Variants in KCNMA1 observed in about 807,000 individuals in gnomAD.
The protein encoded by KCNMA1 is potassium calcium-activated channel subfamily M alpha 1, also known as Calcium-activated potassium channel subunit alpha-1.
A neutral mutation model predicts 140.0 loss-of-function variants in KCNMA1; 29 were observed. The observed-to-expected ratio is 0.21, with a 90% CI of 0.15 to 0.28. KCNMA1 has a LOEUF of 0.28. KCNMA1 is among the 10% of genes least tolerant of loss of function. The probability of loss-of-function intolerance (pLI) is 1.00; values close to 1 mark genes in which losing one functional copy is unlikely to be tolerated. For missense variants in KCNMA1, 880 were observed against 1,602.2 expected, an observed-to-expected ratio of 0.55 and a Z score of 7.70; for synonymous variants, 612 against 611.9, an observed-to-expected ratio of 1.00 and a Z score of 0.00.
At chr10:77,481,986 C>T (rs1466618819) in intron 1 of KCNMA1, among the ~76,000 whole-genome samples, 2 of 152,208 alleles carry the variant, frequency 1.3e-5, no homozygotes, top group Admixed American at 1.3e-4. Context: ...GACTCAGGGC[C>T]AGATCCCTGG....
At chr10:77,298,696 CT>C (rs1175311988) in intron 2 of KCNMA1, among the ~76,000 whole-genome samples, 1 of 152,212 alleles carries the variant, frequency 6.6e-6, no homozygotes, top group Non-Finnish European at 1.5e-5. Context: ...CAAAGGTCCC[CT>C]CATTTGATTT....
At chr10:76,948,334 T>A (rs1483304744) in intron 22 of KCNMA1, among the ~76,000 whole-genome samples, 1 of 152,166 alleles carries the variant, frequency 6.6e-6, no homozygotes, top group Non-Finnish European at 1.5e-5. Flanking sequence ...GGATGTGAAC[T>A]TACAAGAAAA....
intron 3 of KCNMA1, among the ~76,000 whole-genome samples, chr10:77,208,890 G>A (rs1422843934): frequency 1.3e-5 from 2 of 152,126 alleles, no homozygotes; most frequent in Non-Finnish European, 2.9e-5. Context: ...TCCTCATCCT[G>A]TCAACTGCTG....
Position 77,552,970 on chromosome 10 carries a change from AC to A in KCNMA1, c.378+84294del, listed in dbSNP as rs2063221413. On this transcript the variant is annotated intron_variant, in intron 1 of 27. Coordinates refer to ENST00000286628, the MANE Select transcript of KCNMA1 (RefSeq NM_001161352.2). Reference sequence around the variant, plus strand: ...AGGCTGGGGCATGAGAATCGCTTGAACCCAGGAGGTGGAGGTTGCAGTGAGC... The same window carrying A: ...AGGCTGGGGCATGAGAATCGCTTGAACCAGGAGGTGGAGGTTGCAGTGAGC... 2.0e-5 allele frequency among the ~76,000 whole-genome samples: 3 copies of A among 151,412 alleles called. No individual in the cohort carries two copies. The South Asian group carries it at 6.3e-4, about 32-fold the overall frequency.
intron 2 of KCNMA1, among the ~76,000 whole-genome samples, chr10:77,397,358 C>T (rs1053325323): frequency 4.6e-5 from 7 of 151,990 alleles, no homozygotes; most frequent in African/African-American, 7.3e-5. Context: ...TTTTTTAAAA[C>T]GTTGTATTGA....
intron 25 of KCNMA1, among the ~76,000 whole-genome samples, chr10:76,895,190 AC>A (rs1427847706): frequency 6.6e-6 from 1 of 152,016 alleles, no homozygotes; most frequent in African/African-American, 2.4e-5. Flanking sequence ...ACCCTCTCAC[AC>A]GCACCCCCTT....
Position 77,121,032 on chromosome 10 carries a change from T to C in KCNMA1, c.825A>G (p.Arg275=), listed in dbSNP as rs776877666. Residue 275 remains arginine, a synonymous_variant, in exon 6 of 28, where the codon AGA becomes AGG. Transcript: ENST00000286628. ...NRSWLGLRFL[R]ALRLIQFSEI... is the part of the protein sequence containing the mutation. ...CTGAAAACTGTATCAGTCTCAGAGC[T>C]CTTAAAAATCTCAAACCTGGAAAAA... 15 of 1,595,956 alleles carry C rather than the reference T, an allele frequency of 9.4e-6. No individual in the cohort carries two copies. The African/African-American group carries it at 1.6e-4, about 17-fold the overall frequency.
At chr10:77,296,724 G>T (rs1404433573) in intron 2 of KCNMA1, among the ~76,000 whole-genome samples, 1 of 152,088 alleles carries the variant, frequency 6.6e-6, no homozygotes, top group Non-Finnish European at 1.5e-5. Context: ...CCCACACTGG[G>T]GTGAGCTTGG....
intron 14 of KCNMA1, chr10:77,064,275 T>A (rs1371990745): frequency 1.0e-5 from 2 of 190,652 alleles, no homozygotes; most frequent in African/African-American, 4.8e-5. Flanking sequence ...ATGAGTTAAA[T>A]GTGTTCCCTG....
At chr10:77,396,065 G>A (rs754894993) in intron 2 of KCNMA1, among the ~76,000 whole-genome samples, 25 of 152,154 alleles carry the variant, frequency 1.6e-4, no homozygotes, top group Non-Finnish European at 3.2e-4. Context: ...TTAAGTCCTG[G>A]AAGGAAATTA....
At chr10:77,520,900 T>C (rs1232541833) in intron 1 of KCNMA1, among the ~76,000 whole-genome samples, 2 of 152,144 alleles carry the variant, frequency 1.3e-5, no homozygotes, top group Non-Finnish European at 2.9e-5. Context: ...CTTTGGTACC[T>C]CTTCTCCTAA....
intron 2 of KCNMA1, among the ~76,000 whole-genome samples, chr10:77,398,210 A>G (rs1243989181): frequency 2.0e-5 from 3 of 151,990 alleles, no homozygotes; most frequent in Non-Finnish European, 2.9e-5. Flanking sequence ...TTCTTTTCCT[A>G]TGGGTAGCCA....
At chr10:76,932,342 T>C (rs141553553) in intron 23 of KCNMA1, among the ~76,000 whole-genome samples, 37 of 152,340 alleles carry the variant, frequency 2.4e-4, no homozygotes, top group East Asian at 7.7e-4. Flanking sequence ...CTGTATCTCA[T>C]TGAATTCTCA....
At chr10:77,024,517 T>G (rs1281254705) in intron 16 of KCNMA1, among the ~76,000 whole-genome samples, 1 of 152,180 alleles carries the variant, frequency 6.6e-6, no homozygotes, top group Non-Finnish European at 1.5e-5. Context: ...AATATTGTCT[T>G]AGATAACACA....
At chr10:77,522,113 T>G (rs968330475) in intron 1 of KCNMA1, among the ~76,000 whole-genome samples, 1 of 151,940 alleles carries the variant, frequency 6.6e-6, no homozygotes, top group Admixed American at 6.6e-5. Flanking sequence ...AGGCGGAGGT[T>G]GCAGTGAGCC....
At chr10:76,991,279 T>C (rs187834505) in intron 19 of KCNMA1, among the ~76,000 whole-genome samples, 3 of 151,758 alleles carry the variant, frequency 2.0e-5, no homozygotes, top group South Asian at 2.1e-4. Context: ...AAATGCTCTA[T>C]ATGTGGTAGT....
chr10:77,137,540 A>G (rs1270311560), intron 5 of KCNMA1, among the ~76,000 whole-genome samples: 1 of 152,116 alleles, frequency 6.6e-6, no homozygotes, highest in Non-Finnish European at 1.5e-5. Context: ...CTGCCATCAC[A>G]GGTCCCACCT....
At chr10:76,940,451 T>C (rs545412031) in intron 23 of KCNMA1, among the ~76,000 whole-genome samples, 2 of 152,200 alleles carry the variant, frequency 1.3e-5, no homozygotes, top group Non-Finnish European at 2.9e-5. Flanking sequence ...AATTATATCA[T>C]CTTAGGACAG....
intron 1 of KCNMA1, among the ~76,000 whole-genome samples, chr10:77,494,722 G>A (rs1379868603): frequency 2.6e-5 from 4 of 152,224 alleles, no homozygotes; most frequent in Non-Finnish European, 5.9e-5. Flanking sequence ...CCATCATAAA[G>A]TATCAAAAAC....
Sources: allele counts gnomAD v4.1 joint callset (sites outside exome capture counted in the v4.1 genomes callset), GRCh38; gene constraint gnomAD v4.1.1; transcripts MANE v1.5; gene names NCBI Gene and HGNC (gene_info 2026-07-23, HGNC 2026-07-21).